Variants in VWA8 observed in about 807,000 individuals in gnomAD.
VWA8 encodes the protein von Willebrand factor A domain-containing protein 8.
A neutral mutation model predicts 241.5 loss-of-function variants in VWA8; 221 were observed. The ratio of observed to expected loss-of-function variants is 0.91; its 90% CI spans 0.82 to 1.02. The LOEUF is 1.02. VWA8 is among the 50% of genes least tolerant of loss of function. The pLI is 0.00. For synonymous variants in VWA8, 852 were observed against 827.1 expected (o/e 1.03, Z -0.52); for missense variants, 2,322 against 2,328.7 (o/e 1.00, Z 0.06).
chr13:41,823,578 AAAGG>A, intron 14 of VWA8, among the ~76,000 whole-genome samples: 1 of 152,274 alleles, frequency 6.6e-6, no homozygotes, highest in South Asian at 2.1e-4. Context: ...TTTTCTCATC[AAAGG>A]AAGGAGTTCT....
chr13:41,951,204 G>T (rs570836812), intron 1 of VWA8, among the ~76,000 whole-genome samples: 1 of 152,094 alleles, frequency 6.6e-6, no homozygotes, highest in Admixed American at 6.5e-5. Context: ...ATCACTTGAG[G>T]TCAGGAGTTA....
intron 12 of VWA8, among the ~76,000 whole-genome samples, chr13:41,858,183 T>C (rs767909481): frequency 1.4e-4 from 22 of 152,186 alleles, no homozygotes; most frequent in South Asian, 8.3e-4. Context: ...TAAATCTCTA[T>C]AGGTTCTGTT....
In VWA8 at chr13:41,863,454, T is replaced by TAC. The variant is rs767135880; in HGVS notation, c.1425+2281_1425+2282insGT. Among the ~76,000 whole-genome samples the TAC allele has an allele frequency of 3.9e-3, 373 of 94,848 alleles. 18 individuals are homozygous for TAC. The highest frequency in any genetic ancestry group is 0.014 in the African/African-American group (350 of 25,912). 62.2% of individuals were successfully genotyped at this position (94,848 alleles called of 152,430 possible). Reference sequence around the variant, plus strand: ...GTGTGTATATATATATATATATATATTCACACACACACACACACTATATAT... The same window carrying TAC: ...GTGTGTATATATATATATATATATATACTCACACACACACACACACTATATAT... On this transcript the variant is annotated intron_variant, in intron 12 of 44. Coordinates refer to ENST00000379310, the MANE Select transcript of VWA8 (RefSeq NM_015058.2).
chr13:41,701,663 G>C, intron 27 of VWA8, 133 bp from the exon 28 acceptor site: 1 of 794,348 alleles, frequency 1.3e-6, no homozygotes, highest in Non-Finnish European at 1.8e-6. Context: ...TCAATTTATT[G>C]ACAGGCTTAG....
At chr13:41,646,684 A>C (rs1001711142) in intron 37 of VWA8, among the ~76,000 whole-genome samples, 11 of 152,282 alleles carry the variant, frequency 7.2e-5, no homozygotes, top group African/African-American at 2.7e-4. Context: ...TAGGAAAGCA[A>C]GAAATATGCC....
At chr13:41,834,862 A>G (rs924426667) in intron 12 of VWA8, among the ~76,000 whole-genome samples, 2 of 152,242 alleles carry the variant, frequency 1.3e-5, no homozygotes, top group Admixed American at 1.3e-4. Context: ...CTGGATAAAG[A>G]AAATGTGGTA....
intron 39 of VWA8, among the ~76,000 whole-genome samples, chr13:41,610,351 A>G (rs552519582): frequency 6.6e-6 from 1 of 152,136 alleles, no homozygotes; most frequent in South Asian, 2.1e-4. Context: ...TCCCTGGGAG[A>G]AAGGGAGAGT....
intron 26 of VWA8, among the ~76,000 whole-genome samples, chr13:41,716,454 G>A (rs1055829777): frequency 1.3e-5 from 2 of 152,044 alleles, no homozygotes; most frequent in Non-Finnish European, 2.9e-5. Flanking sequence ...TAACATCACC[G>A]CTACTGAACA....
intron 22 of VWA8, among the ~76,000 whole-genome samples, chr13:41,729,960 G>A (rs1246329715): frequency 6.6e-6 from 1 of 151,900 alleles, no homozygotes; most frequent in African/African-American, 2.4e-5. Flanking sequence ...TATTCCCATG[G>A]TAGTGATACC....
intron 4 of VWA8, among the ~76,000 whole-genome samples, chr13:41,907,354 T>C (rs536913485): frequency 2.6e-5 from 4 of 152,234 alleles, no homozygotes; most frequent in African/African-American, 9.6e-5. Context: ...ATCAGCACAT[T>C]GATCTTTAAC....
chr13:41,610,967 C>G (rs980821597), intron 39 of VWA8, among the ~76,000 whole-genome samples: 3 of 152,192 alleles, frequency 2.0e-5, no homozygotes, highest in African/African-American at 7.2e-5. Flanking sequence ...CTCACTGTCC[C>G]TCCTCCCGAG....
intron 9 of VWA8, among the ~76,000 whole-genome samples, chr13:41,873,606 C>T (rs964441181): frequency 4.6e-4 from 70 of 152,310 alleles, no homozygotes; most frequent in Non-Finnish European, 5.6e-4. Context: ...AATTCCTCGA[C>T]ACATACACTC....
intron 37 of VWA8, among the ~76,000 whole-genome samples, chr13:41,660,562 C>T (rs1424121395): frequency 6.6e-6 from 1 of 152,134 alleles, no homozygotes; most frequent in Non-Finnish European, 1.5e-5. Flanking sequence ...TTGAGGACTC[C>T]CAAGAGTCCC....
At chr13:41,840,222 C>A (rs1380956217) in intron 12 of VWA8, among the ~76,000 whole-genome samples, 1 of 152,014 alleles carries the variant, frequency 6.6e-6, no homozygotes, top group African/African-American at 2.4e-5. Context: ...GACTTTGTAT[C>A]CCAAATACTG....
At chr13:41,895,433 T>C (rs757772154) in intron 4 of VWA8, among the ~76,000 whole-genome samples, 3 of 152,202 alleles carry the variant, frequency 2.0e-5, no homozygotes, top group Non-Finnish European at 2.9e-5. Flanking sequence ...GAATTTGCTG[T>C]GTTACCTATG....
chr13:41,666,964 G>A (rs1348332857), intron 37 of VWA8, among the ~76,000 whole-genome samples: 1 of 151,974 alleles, frequency 6.6e-6, no homozygotes, highest in Non-Finnish European at 1.5e-5. Flanking sequence ...TACAAAATAT[G>A]GATTGTTCTG....
intron 12 of VWA8, among the ~76,000 whole-genome samples, chr13:41,862,949 T>C (rs1873070865): frequency 6.6e-6 from 1 of 152,048 alleles, no homozygotes; most frequent in Non-Finnish European, 1.5e-5. Flanking sequence ...GAAAATAAAC[T>C]GTTCTACACA....
intron 12 of VWA8, among the ~76,000 whole-genome samples, chr13:41,862,910 C>G (rs1356189487): frequency 1.3e-5 from 2 of 152,194 alleles, no homozygotes; most frequent in Non-Finnish European, 1.5e-5. Context: ...TTTGACCTAG[C>G]AATCCCCTTA....
intron 2 of VWA8, among the ~76,000 whole-genome samples, chr13:41,929,983 A>G (rs868463426): frequency 1.3e-5 from 2 of 152,238 alleles, no homozygotes; most frequent in Non-Finnish European, 2.9e-5. Context: ...TGCAATCCAT[A>G]TATCTGGTGA....
Sources: allele counts gnomAD v4.1 joint callset (sites outside exome capture counted in the v4.1 genomes callset), GRCh38; gene constraint gnomAD v4.1.1; transcripts MANE v1.5; gene names NCBI Gene and HGNC (gene_info 2026-07-23, HGNC 2026-07-21).